The following GAD2 variants were observed in gnomAD, a reference collection of about 807,000 sequenced individuals.
GAD2 encodes 65 kDa glutamic acid decarboxylase.
Under a neutral mutation model 80.1 loss-of-function variants are expected in GAD2, and 22 were observed. The ratio of observed to expected loss-of-function variants is 0.27; its 90% confidence interval spans 0.20 to 0.39. The LOEUF is 0.39. Ranked by LOEUF, GAD2 falls within the 10% of genes least tolerant of loss-of-function variation. The pLI is 1.00. For synonymous variants in GAD2, 274 were observed against 256.9 expected, an observed-to-expected ratio of 1.07 and a Z score of -0.64; for missense variants, 624 against 738.4, an observed-to-expected ratio of 0.85 and a Z score of 1.80.
chr10:26,273,370 A>C (rs1014327378), intron 10 of GAD2, among the ~76,000 whole-genome samples: 1 of 152,182 alleles, frequency 6.6e-6, no homozygotes, highest in Non-Finnish European at 1.5e-5. Flanking sequence ...TGCTGGTGAT[A>C]GGTTTGGGAG....
chr10:26,247,514 C>T (rs1844823517), intron 8 of GAD2, among the ~76,000 whole-genome samples: 1 of 152,126 alleles, frequency 6.6e-6, no homozygotes, highest in Non-Finnish European at 1.5e-5. Flanking sequence ...GAATGAGCAC[C>T]TCACGGGGTC....
chr10:26,245,811 G>C, intron 7 of GAD2, 110 bp from the exon 8 acceptor site: 1 of 830,978 alleles, frequency 1.2e-6, no homozygotes, highest in Non-Finnish European at 1.9e-6. Flanking sequence ...AGGCTTTGGA[G>C]GAACAGACTA....
intron 7 of GAD2, among the ~76,000 whole-genome samples, chr10:26,241,879 C>G (rs1374919466): frequency 6.6e-6 from 1 of 152,180 alleles, no homozygotes; most frequent in African/African-American, 2.4e-5. Flanking sequence ...GTGCTGCTGA[C>G]AGATGTAGTT....
intron 8 of GAD2, among the ~76,000 whole-genome samples, chr10:26,248,820 T>C (rs549331400): frequency 4.7e-4 from 71 of 151,380 alleles, no homozygotes; most frequent in African/African-American, 1.6e-3. Context: ...GAAAAAAAAA[T>C]GGTGTTATTT....
At chr10:26,228,567 G>C (rs148483892) in intron 6 of GAD2, among the ~76,000 whole-genome samples, 68 of 152,264 alleles carry the variant, frequency 4.5e-4, no homozygotes, top group Admixed American at 1.7e-3. Context: ...ACAGGTCTGC[G>C]GTCTATTAGG....
upstream of GAD2, chr10:26,216,768 C>T: frequency 6.4e-7 from 1 of 1,572,230 alleles, no homozygotes; most frequent in African/African-American, 1.4e-5. This position sits in a 1 kb window ranked among gnomAD's most constrained non-coding sequence, Gnocchi z 4.7. Context: ...AGCTCGCCCG[C>T]AGCTCGCACT....
At chr10:26,218,305 C>T in intron 3 of GAD2, 1 of 298,634 alleles carries the variant, frequency 3.3e-6, no homozygotes, top group Non-Finnish European at 6.1e-6. Context: ...GGCTGGCTTC[C>T]CTAGGCCGCT....
Position 26,245,833 on chromosome 10 carries a change from A to G in GAD2, c.841-88A>G, listed in dbSNP as rs949196288. 7 of 1,045,218 alleles carry G rather than the reference A, an allele frequency of 6.7e-6. 1 individual carries two copies. Among genetic ancestry groups the G allele is most frequent in the Non-Finnish European group, 9.9e-6 (7 of 708,312 alleles). 64.7% of individuals were successfully genotyped at this position (1,045,218 alleles called of 1,614,324 possible). Reference sequence around the variant, plus strand: ...GGAGGAACAGACTAGAAATGAAAGGAAAAAAGGAAAACAGAAAACAAACAG... The same window carrying G: ...GGAGGAACAGACTAGAAATGAAAGGGAAAAAGGAAAACAGAAAACAAACAG... On this transcript the variant is annotated intron_variant, in intron 7 of 15. Transcript: ENST00000376261.
upstream of GAD2, chr10:26,216,753 G>C: frequency 2.0e-6 from 3 of 1,520,164 alleles, no homozygotes; most frequent in Non-Finnish European, 2.7e-6. This position sits in a 1 kb window ranked among gnomAD's most constrained non-coding sequence, Gnocchi z 4.7. Context: ...GGCCAAGCCC[G>C]AGGCAGCTCG....
chr10:26,261,749 T>TTCTCC (rs1554852265), intron 8 of GAD2, among the ~76,000 whole-genome samples: 1 of 152,172 alleles, frequency 6.6e-6, no homozygotes, highest in Admixed American at 6.5e-5. Flanking sequence ...ATTCTTTTGT[T>TTCTCC]TCTTCTCTTC....
intron 12 of GAD2, among the ~76,000 whole-genome samples, chr10:26,285,427 A>G (rs971757173): frequency 7.5e-4 from 114 of 152,238 alleles, no homozygotes; most frequent in African/African-American, 2.7e-3. Flanking sequence ...TTGTAAAATC[A>G]CAATTAGACA....
intron 12 of GAD2, among the ~76,000 whole-genome samples, chr10:26,283,023 A>G (rs988286399): frequency 7.9e-5 from 12 of 152,240 alleles, no homozygotes; most frequent in Admixed American, 2.0e-4. Flanking sequence ...TGTTATTTAG[A>G]ATTCAGCCAG....
At chr10:26,254,316 C>T (rs1172199908) in intron 8 of GAD2, among the ~76,000 whole-genome samples, 1 of 152,196 alleles carries the variant, frequency 6.6e-6, no homozygotes, top group East Asian at 1.9e-4. Context: ...GTTAGATTAT[C>T]ACAAGAAGCA....
intron 6 of GAD2, among the ~76,000 whole-genome samples, chr10:26,226,181 C>A (rs72787382): frequency 0.05 from 7,643 of 152,098 alleles, 261 homozygotes; most frequent in Non-Finnish European, 0.08. Context: ...TACCTGTTGA[C>A]CCTGAAAATT....
intron 7 of GAD2, among the ~76,000 whole-genome samples, chr10:26,235,558 T>C (rs1248557875): frequency 2.6e-5 from 4 of 152,212 alleles, no homozygotes; most frequent in African/African-American, 9.6e-5. Context: ...AACTAGTCTT[T>C]CTGTGGCAAG....
At chr10:26,287,481 A>C (rs372056134) in intron 13 of GAD2, among the ~76,000 whole-genome samples, 1 of 152,244 alleles carries the variant, frequency 6.6e-6, no homozygotes, top group Non-Finnish European at 1.5e-5. Context: ...AAGGAAGGCA[A>C]AAGTTTTTAA....
chr10:26,228,916 G>A (rs949586827), intron 6 of GAD2, among the ~76,000 whole-genome samples: 4 of 152,108 alleles, frequency 2.6e-5, no homozygotes, highest in African/African-American at 7.2e-5. Context: ...TAGGCCAGGC[G>A]TGGTGGCTCA....
At chr10:26,270,293 A>G (rs951427960) in intron 9 of GAD2, among the ~76,000 whole-genome samples, 3 of 152,106 alleles carry the variant, frequency 2.0e-5, no homozygotes, top group Non-Finnish European at 2.9e-5. Context: ...AATAAGGAAC[A>G]CTTGAAAGTG....
intron 13 of GAD2, among the ~76,000 whole-genome samples, chr10:26,291,949 A>C (rs1029165212): frequency 6.6e-6 from 1 of 152,206 alleles, no homozygotes; most frequent in African/African-American, 2.4e-5. Context: ...GGTGCTCCCT[A>C]AAATTCCTGC....
Sources: allele counts gnomAD v4.1 joint callset (sites outside exome capture counted in the v4.1 genomes callset), GRCh38; gene constraint gnomAD v4.1.1; non-coding constraint Gnocchi (gnomAD v3.1); transcripts MANE v1.5; gene names NCBI Gene and HGNC (gene_info 2026-07-23, HGNC 2026-07-21).